The following PRKD1 variants were observed in gnomAD, a reference collection of about 807,000 sequenced individuals.
PRKD1 encodes serine/threonine-protein kinase D1.
A neutral mutation model predicts 95.9 loss-of-function variants in PRKD1; 63 were observed. The ratio of observed to expected loss-of-function variants is 0.66; its 90% confidence interval spans 0.54 to 0.81. The LOEUF (loss-of-function observed/expected upper bound fraction) is 0.81, where lower values mean the gene tolerates loss of function less well. Among genes scored for constraint, PRKD1 ranks in the 30% least tolerant of loss-of-function variants. PRKD1 has a pLI of 0.00. For synonymous variants in PRKD1, 425 were observed against 423.1 expected, an observed-to-expected ratio of 1.00 and a Z score of -0.05; for missense variants, 1,048 against 1,165.3, an observed-to-expected ratio of 0.90 and a Z score of 1.47.
At chr14:29,589,588 A>G (rs1349024350) in intron 16 of PRKD1, among the ~76,000 whole-genome samples, 2 of 152,218 alleles carry the variant, frequency 1.3e-5, no homozygotes, top group African/African-American at 4.8e-5. Context: ...AAGAACTGTA[A>G]TCCACAGCTC....
intron 16 of PRKD1, chr14:29,593,950 C>A: frequency 9.4e-6 from 2 of 212,724 alleles, no homozygotes; most frequent in Non-Finnish European, 1.9e-5. Flanking sequence ...AAATAAGCAC[C>A]CTTTTGGTAT....
intron 2 of PRKD1, among the ~76,000 whole-genome samples, chr14:29,708,477 G>A (rs1429740678): frequency 6.6e-6 from 1 of 152,090 alleles, no homozygotes; most frequent in African/African-American, 2.4e-5. Flanking sequence ...TTAAATAAAA[G>A]GTTTGTCTAG....
chr14:29,629,762 A>G (rs1879860447), intron 10 of PRKD1, among the ~76,000 whole-genome samples: 1 of 152,134 alleles, frequency 6.6e-6, no homozygotes, highest in Non-Finnish European at 1.5e-5. Flanking sequence ...TCTACTAATG[A>G]ACAGAGAATT....
chr14:29,653,681 C>T (rs1231308814), intron 4 of PRKD1, among the ~76,000 whole-genome samples: 1 of 151,800 alleles, frequency 6.6e-6, no homozygotes, highest in Non-Finnish European at 1.5e-5. Flanking sequence ...AGTCTCTATA[C>T]AGTAAGAGAA....
At chr14:29,859,866 ATAAT>A (rs1034580274) in intron 1 of PRKD1, among the ~76,000 whole-genome samples, 19 of 152,172 alleles carry the variant, frequency 1.2e-4, no homozygotes, top group Non-Finnish European at 2.4e-4. Context: ...AGTTTTTTAA[ATAAT>A]TAATTATAAC....
At chr14:29,872,899 C>T (rs1304805990) in intron 1 of PRKD1, among the ~76,000 whole-genome samples, 10 of 152,056 alleles carry the variant, frequency 6.6e-5, no homozygotes, top group Admixed American at 5.9e-4. Context: ...TTACATTTTA[C>T]ATATTTGTGT....
chr14:29,927,673 A>C lies in PRKD1; in HGVS notation c.-161T>G. 5.2e-6 allele frequency: 1 copy of C among 192,182 alleles called. No individual in the cohort carries two copies. Among genetic ancestry groups the C allele is most frequent in the Non-Finnish European group, 9.2e-6 (1 of 108,348 alleles). The allele number at this position is 192,182 out of a possible 1,614,324, so 11.9% of individuals were successfully genotyped here. The stretch of plus-strand genomic sequence containing the variant: ...CCCTGGGCTGGGGGAGGGCAAGGGG[A>C]TGAGGATCGGGAGGGGAGGGGACTA... On this transcript the variant is annotated 5_prime_UTR_variant, in exon 1 of 18. Coordinates refer to ENST00000331968, the MANE Select transcript of PRKD1 (RefSeq NM_002742.3).
chr14:29,858,073 C>G (rs1022517363), intron 1 of PRKD1, among the ~76,000 whole-genome samples: 1 of 152,198 alleles, frequency 6.6e-6, no homozygotes, highest in African/African-American at 2.4e-5. Context: ...AACTCACTTA[C>G]ATAAGTCACT....
intron 1 of PRKD1, among the ~76,000 whole-genome samples, chr14:29,769,902 T>A (rs1888427450): frequency 1.3e-5 from 2 of 152,350 alleles, no homozygotes; most frequent in South Asian, 4.1e-4. Context: ...GTCTATGTAC[T>A]ACCATAATTC....
chr14:29,638,369 C>G (rs1412836122), intron 6 of PRKD1, 120 bp downstream of exon 6: 2 of 1,000,348 alleles, frequency 2.0e-6, no homozygotes, highest in African/African-American at 3.2e-5. Flanking sequence ...CCATAATTTA[C>G]TTTAGACTGT....
intron 1 of PRKD1, among the ~76,000 whole-genome samples, chr14:29,849,830 A>C (rs1166375417): frequency 1.3e-5 from 2 of 152,186 alleles, no homozygotes; most frequent in Non-Finnish European, 2.9e-5. Context: ...TAAATCCAAC[A>C]ATACATAAAA....
At chr14:29,865,457 C>A (rs1016308240) in intron 1 of PRKD1, among the ~76,000 whole-genome samples, 1 of 152,152 alleles carries the variant, frequency 6.6e-6, no homozygotes, top group Non-Finnish European at 1.5e-5. Context: ...TCCTTGAGGG[C>A]TCTGCCCTCA....
In PRKD1 at chr14:29,630,948, G is replaced by C. The variant is rs984429368; in HGVS notation, c.1466C>G (p.Pro489Arg). ...TGCCGTAGTGATTTCGAAACAATGA[G>C]GATTGGCCCCATTAGGAATTAAAGC... ...TSALIPNGAN[P>R]HCFEITTANV... The change falls in exon 10 of 18, where the codon CCT becomes CGT. Residue 489 changes from proline to arginine, a missense_variant. By Grantham distance (103) the Pro-to-Arg change is moderately radical. This residue lies in a region of PRKD1 where 739 missense variants were observed against 861.9 expected (regional missense o/e 0.86). Transcript: ENST00000331968. The C allele has an allele frequency of 1.2e-6, 2 of 1,613,852 alleles. No individual in the cohort carries two copies. Among genetic ancestry groups the C allele is most frequent in the Non-Finnish European group, 1.7e-6 (2 of 1,179,930 alleles).
At chr14:29,771,150 A>T (rs920910883) in intron 1 of PRKD1, among the ~76,000 whole-genome samples, 4 of 152,138 alleles carry the variant, frequency 2.6e-5, no homozygotes, top group Admixed American at 2.6e-4. Context: ...AGAATGAAAA[A>T]GCGAGTTCAG....
chr14:29,626,983 G>T (rs949230837), intron 11 of PRKD1, among the ~76,000 whole-genome samples: 1 of 152,070 alleles, frequency 6.6e-6, no homozygotes, highest in Admixed American at 6.5e-5. Flanking sequence ...AAGGTGCTGG[G>T]ATTACAGGCA....
chr14:29,611,497 C>T (rs1013135453), intron 13 of PRKD1, among the ~76,000 whole-genome samples: 4 of 152,062 alleles, frequency 2.6e-5, no homozygotes, highest in Middle Eastern at 3.4e-3. Context: ...AAGAAAGACT[C>T]ACATAGCAGG....
Position 29,639,390 on chromosome 14 carries a change from C to T in PRKD1, c.697-486G>A, listed in dbSNP as rs184888901. 2.2e-3 allele frequency among the ~76,000 whole-genome samples: 331 copies of T among 152,136 alleles called. 1 individual carries two copies. The highest frequency in any genetic ancestry group is 6.8e-3 in the Middle Eastern group (2 of 294). ...ATCCCAGCACTTTGGGAGGCCAAGGCGGGTGGATCATTTGGTGTCAGGAGT... is the reference window on the plus strand; with the variant it reads ...ATCCCAGCACTTTGGGAGGCCAAGGTGGGTGGATCATTTGGTGTCAGGAGT... On this transcript the variant is annotated intron_variant, in intron 4 of 17. Coordinates refer to ENST00000331968, the MANE Select transcript of PRKD1 (RefSeq NM_002742.3).
chr14:29,662,180 AT>A lies in PRKD1; in HGVS notation c.696+1518del, dbSNP rs553776782. On this transcript the variant is annotated intron_variant, in intron 4 of 17. Transcript: ENST00000331968. Reference sequence around the variant, plus strand: ...AGAAACCATACATTTATATACATATATGCATAATTTACAATGTTGTTTCTTA... The same window carrying A: ...AGAAACCATACATTTATATACATATAGCATAATTTACAATGTTGTTTCTTA... 1.8e-3 allele frequency among the ~76,000 whole-genome samples: 268 copies of A among 152,312 alleles called. 3 individuals carry two copies. Among genetic ancestry groups the A allele is most frequent in the Admixed American group, 3.9e-3 (59 of 15,306 alleles).
chr14:29,776,805 C>T (rs61978049), intron 1 of PRKD1, among the ~76,000 whole-genome samples: 26,354 of 151,960 alleles, frequency 0.17, 2,450 homozygotes, highest in South Asian at 0.22. Context: ...ACCACAAAGA[C>T]AATCCTCGAG....
Sources: gnomAD v4.1 joint callset for allele counts (sites outside exome capture counted in the v4.1 genomes callset) on GRCh38, gnomAD v4.1.1 for gene constraint, gnomAD v4.1.1 regional missense constraint, MANE v1.5 for transcripts, NCBI Gene and HGNC (gene_info 2026-07-23, HGNC 2026-07-21) for gene names.